AUH: variants seen among roughly 807,000 people sequenced by gnomAD.
AUH encodes methylglutaconyl-CoA hydratase, mitochondrial.
A neutral mutation model predicts 42.3 loss-of-function variants in AUH; 29 were observed. The ratio of observed to expected loss-of-function variants is 0.69; its 90% CI spans 0.51 to 0.93. AUH has a LOEUF of 0.93. Among genes scored for constraint, AUH ranks in the 40% least tolerant of loss-of-function variants. The probability of loss-of-function intolerance (pLI) is 0.00; values close to 1 mark genes in which losing one functional copy is unlikely to be tolerated. For synonymous variants in AUH, 174 were observed against 166.4 expected, an observed-to-expected ratio of 1.05 and a Z score of -0.35; for missense variants, 452 against 438.1, an observed-to-expected ratio of 1.03 and a Z score of -0.28.
At chr9:91,274,815 C>T (rs1333384128) in intron 6 of AUH, among the ~76,000 whole-genome samples, 1 of 152,178 alleles carries the variant, frequency 6.6e-6, no homozygotes, top group Non-Finnish European at 1.5e-5. Context: ...AACCAAGCTT[C>T]ACCTAAGGTT....
intron 6 of AUH, among the ~76,000 whole-genome samples, chr9:91,275,669 C>T (rs933610257): frequency 2.0e-5 from 3 of 152,274 alleles, no homozygotes; most frequent in Middle Eastern, 3.4e-3. Flanking sequence ...ATCTCCAAGC[C>T]GAACAGAAAT....
intron 6 of AUH, among the ~76,000 whole-genome samples, chr9:91,285,650 T>A (rs1159413046): frequency 6.6e-6 from 1 of 152,094 alleles, no homozygotes; most frequent in Non-Finnish European, 1.5e-5. Context: ...CATTACTAAG[T>A]CCTACATAAA....
chr9:91,239,156 G>GT (rs35479845), intron 6 of AUH, among the ~76,000 whole-genome samples: 18,105 of 145,458 alleles, frequency 0.12, 1,271 homozygotes, highest in Admixed American at 0.23. Context: ...TTTTTGTTCT[G>GT]TTTTTTTTTT....
intron 3 of AUH, among the ~76,000 whole-genome samples, chr9:91,334,548 T>C (rs1191524277): frequency 6.6e-6 from 1 of 152,194 alleles, no homozygotes; most frequent in South Asian, 2.1e-4. Flanking sequence ...CCACCAGCTT[T>C]CCTGGGTCTC....
At chr9:91,272,984 A>G (rs567150790) in intron 6 of AUH, among the ~76,000 whole-genome samples, 1 of 152,352 alleles carries the variant, frequency 6.6e-6, no homozygotes, top group East Asian at 1.9e-4. Context: ...AGAACAATAC[A>G]CAGCTGTATC....
At chr9:91,235,487 C>A (rs558361445) in intron 6 of AUH, among the ~76,000 whole-genome samples, 1 of 152,228 alleles carries the variant, frequency 6.6e-6, no homozygotes, top group East Asian at 1.9e-4. Context: ...TATAATGTAT[C>A]TTTTACACAT....
intron 3 of AUH, chr9:91,343,280 T>C (rs1314992911): frequency 1.3e-5 from 2 of 151,794 alleles, no homozygotes; most frequent in Non-Finnish European, 2.9e-5. Context: ...ACTTCCACCT[T>C]AGGAAGCTAG....
chr9:91,314,582 A>AT (rs1829000827), intron 4 of AUH, among the ~76,000 whole-genome samples: 1 of 151,184 alleles, frequency 6.6e-6, no homozygotes, highest in South Asian at 2.1e-4. Context: ...ATAATGAGAA[A>AT]TAAAAAAAAA....
chr9:91,330,011 T>G (rs1428060681), intron 3 of AUH, among the ~76,000 whole-genome samples: 1 of 152,030 alleles, frequency 6.6e-6, no homozygotes, highest in Non-Finnish European at 1.5e-5. Flanking sequence ...AAGACCAAAA[T>G]AAAACTTACA....
intron 6 of AUH, among the ~76,000 whole-genome samples, chr9:91,279,436 A>T (rs1002028627): frequency 6.6e-6 from 1 of 152,178 alleles, no homozygotes; most frequent in African/African-American, 2.4e-5. Flanking sequence ...GTAATTTATA[A>T]AGAAAAGAGG....
chr9:91,317,622 T>C (rs1224904641), intron 4 of AUH, among the ~76,000 whole-genome samples: 2 of 152,238 alleles, frequency 1.3e-5, no homozygotes, highest in Non-Finnish European at 2.9e-5. Context: ...TATTTCTTTT[T>C]CGGTCCTTAT....
At chr9:91,237,277 T>C (rs1828242005) in intron 6 of AUH, among the ~76,000 whole-genome samples, 1 of 152,222 alleles carries the variant, frequency 6.6e-6, no homozygotes. Flanking sequence ...TGCTGCTCCC[T>C]GGTGATGCGG....
intron 6 of AUH, among the ~76,000 whole-genome samples, chr9:91,241,461 G>A (rs965889810): frequency 2.6e-5 from 4 of 151,968 alleles, no homozygotes; most frequent in Admixed American, 6.6e-5. Flanking sequence ...GTATTATAAG[G>A]ATTATGGCTA....
intron 1 of AUH, among the ~76,000 whole-genome samples, chr9:91,359,746 CTAT>C (rs1832707326): frequency 4.6e-5 from 7 of 152,154 alleles, no homozygotes; most frequent in Admixed American, 4.6e-4. Flanking sequence ...GAGAGTTATC[CTAT>C]TCCTTAGAGG....
chr9:91,270,337 T>C (rs1825013662), intron 6 of AUH, among the ~76,000 whole-genome samples: 1 of 151,980 alleles, frequency 6.6e-6, no homozygotes, highest in Non-Finnish European at 1.5e-5. Context: ...CTGCAGAAAC[T>C]CAAAGTTCCA....
chr9:91,361,661 G>C lies in AUH; in HGVS notation c.229C>G (p.Leu77Val). Residue 77 changes from leucine to valine, a missense_variant, in exon 1 of 10, where the codon CTG becomes GTG. Physicochemically the swap from Leu to Val is conservative, Grantham distance 32. Transcript: ENST00000375731. ...YSSEMKTEDELRVRHLEEENR... is the reference protein window; with the variant it reads ...YSSEMKTEDEVRVRHLEEENR... ...TCCTCCTCCAGGTGCCGCACCCGCA[G>C]CTCGTCCTCCGTCTTCATCTCAGAG... The C allele has an allele frequency of 6.3e-7, 1 of 1,583,074 alleles. No individual in the cohort carries two copies. Among genetic ancestry groups the C allele is most frequent in the Non-Finnish European group, 8.6e-7 (1 of 1,164,842 alleles).
chr9:91,218,579 C>A (rs1187332328), intron 7 of AUH: 1 of 978,858 alleles, frequency 1.0e-6, no homozygotes, highest in East Asian at 1.1e-4. Flanking sequence ...GGCTGCTGGT[C>A]CACAGACCAC....
intron 4 of AUH, among the ~76,000 whole-genome samples, chr9:91,320,637 C>G (rs1358366774): frequency 6.6e-6 from 1 of 152,232 alleles, no homozygotes; most frequent in Non-Finnish European, 1.5e-5. Context: ...AAATCGTTCA[C>G]TGGTCTATTA....
At chr9:91,215,048 A>G (rs1441630749) in intron 9 of AUH, among the ~76,000 whole-genome samples, 1 of 152,164 alleles carries the variant, frequency 6.6e-6, no homozygotes, top group Non-Finnish European at 1.5e-5. Flanking sequence ...CATCAATGAC[A>G]GGTGGTGATT....
Sources: gnomAD v4.1 joint callset for allele counts (sites outside exome capture counted in the v4.1 genomes callset) on GRCh38, gnomAD v4.1.1 for gene constraint, MANE v1.5 for transcripts, NCBI Gene and HGNC (gene_info 2026-07-23, HGNC 2026-07-21) for gene names.